EBF3: variants seen among roughly 807,000 people sequenced by gnomAD.
EBF3 encodes the protein transcription factor COE3.
In EBF3, 18 loss-of-function variants were observed where a neutral mutation model predicts 77.1. That is an observed-to-expected ratio of 0.23 (90% CI 0.16 to 0.35). The LOEUF (loss-of-function observed/expected upper bound fraction) is 0.35. Ranked by LOEUF, EBF3 falls within the 10% of genes least tolerant of loss-of-function variation. The probability of loss-of-function intolerance (pLI) is 1.00; values close to 1 mark genes in which losing one functional copy is unlikely to be tolerated. For synonymous variants in EBF3, 350 were observed against 343.5 expected (o/e 1.02, Z -0.21); for missense variants, 558 against 860.0 (o/e 0.65, Z 4.39).
chr10:129,962,630 C>T (rs1859616761), intron 3 of EBF3, among the ~76,000 whole-genome samples: 1 of 151,876 alleles, frequency 6.6e-6, no homozygotes. Flanking sequence ...GTAAGTTATG[C>T]TCCGTTTATG....
chr10:129,957,386 G>GTTT, intron 5 of EBF3, 60 bp from the exon 6 acceptor site: 10 of 1,196,278 alleles, frequency 8.4e-6, no homozygotes, highest in African/African-American at 4.3e-5. Flanking sequence ...TGCCCGACTT[G>GTTT]TATTTTTTTT....
chr10:129,923,832 T>A (rs1856468989), intron 6 of EBF3, among the ~76,000 whole-genome samples: 1 of 152,192 alleles, frequency 6.6e-6, no homozygotes, highest in African/African-American at 2.4e-5. Flanking sequence ...ATCAAAAGAT[T>A]CCATCAACCA....
At chr10:129,939,341 T>C (rs1857570280) in intron 6 of EBF3, among the ~76,000 whole-genome samples, 1 of 152,166 alleles carries the variant, frequency 6.6e-6, no homozygotes, top group South Asian at 2.1e-4. Context: ...GGGTGAAATC[T>C]GAAAACAGCA....
chr10:129,924,212 C>T (rs908356401), intron 6 of EBF3, among the ~76,000 whole-genome samples: 4 of 152,088 alleles, frequency 2.6e-5, no homozygotes, highest in Admixed American at 1.3e-4. Flanking sequence ...GTCAAGAGAT[C>T]GAGAACAGCC....
rs1849589989 is a variant in EBF3 at position 129,836,003 on chromosome 10, C to G, written c.*1940G>C. On this transcript the variant is annotated 3_prime_UTR_variant, in exon 17 of 17. Transcript: ENST00000440978. ...TTGTTAAAAAAAAATTGAAAACCAG[C>G]AGTGATTTGGGTCCCCCTGAAACCT... The G allele has an allele frequency of 6.6e-6, 1 of 152,560 alleles. No individual in the cohort carries two copies. The highest frequency in any genetic ancestry group is 1.5e-5 in the Non-Finnish European group (1 of 68,036). The allele number at this position is 152,560 out of a possible 1,614,324, so 9.5% of individuals were successfully genotyped here. A position where few individuals can be genotyped will look rare whatever the true frequency, so the allele number is the denominator to read the frequency against.
At chr10:129,889,038 G>T (rs930087247) in intron 6 of EBF3, among the ~76,000 whole-genome samples, 19 of 152,182 alleles carry the variant, frequency 1.2e-4, no homozygotes, top group African/African-American at 4.3e-4. Flanking sequence ...TCCAGTCGGG[G>T]TTTGTGCAAC....
chr10:129,960,078 G>C (rs1325975752), intron 4 of EBF3, among the ~76,000 whole-genome samples: 1 of 151,662 alleles, frequency 6.6e-6, no homozygotes, highest in Non-Finnish European at 1.5e-5. Flanking sequence ...GCCCGGGCTG[G>C]GCCTCCACCA....
chr10:129,903,291 T>G (rs905233098), intron 6 of EBF3, among the ~76,000 whole-genome samples: 2 of 152,240 alleles, frequency 1.3e-5, no homozygotes, highest in African/African-American at 4.8e-5. Flanking sequence ...TAATATTATT[T>G]TCTTTATAAG....
chr10:129,938,011 A>G lies in EBF3; in HGVS notation c.554+19247T>C, dbSNP rs997835649. On this transcript the variant is annotated intron_variant, in intron 6 of 16. Transcript: ENST00000440978. The surrounding 1 kb of genome is among the most constrained non-coding windows in gnomAD (Gnocchi z 5.1). ...AAATGCATTAGTCAAAATACTTCGA[A>G]ATGGTACAAGCTATTTTCTGGCATG... 1.3e-5 allele frequency among the ~76,000 whole-genome samples: 2 copies of G among 152,196 alleles called. No individual in the cohort carries two copies. The highest frequency in any genetic ancestry group is 4.8e-5 in the African/African-American group (2 of 41,452).
chr10:129,921,658 G>A (rs929093097), intron 6 of EBF3, among the ~76,000 whole-genome samples: 4 of 152,232 alleles, frequency 2.6e-5, no homozygotes, highest in African/African-American at 9.6e-5. Context: ...AGAGGAGGAT[G>A]TCTGCGTGAA....
rs939445242 is a variant in EBF3, at chr10:129,943,359, T to C, written c.554+13899A>G. On this transcript the variant is annotated intron_variant, in intron 6 of 16. Coordinates refer to ENST00000440978, the MANE Select transcript of EBF3 (RefSeq NM_001375380.1). The surrounding 1 kb of genome is among the most constrained non-coding windows in gnomAD (Gnocchi z 8.8). Reference sequence around the variant, plus strand: ...TATCACAAAAAAAATTAATTCCAGATTGTAGTTATTGTCTTAAGCACAAGA... The same window carrying C: ...TATCACAAAAAAAATTAATTCCAGACTGTAGTTATTGTCTTAAGCACAAGA... Among the ~76,000 whole-genome samples, 3 of 152,228 alleles carry C rather than the reference T, an allele frequency of 2.0e-5. No homozygotes were observed. The highest frequency in any genetic ancestry group is 4.8e-5 in the African/African-American group (2 of 41,450).
At chr10:129,926,311 C>G (rs1444663328) in intron 6 of EBF3, among the ~76,000 whole-genome samples, 1 of 152,194 alleles carries the variant, frequency 6.6e-6, no homozygotes, top group Admixed American at 6.5e-5. Flanking sequence ...GGGAGTCCCC[C>G]TTCCTGAGAC....
At chr10:129,869,902 C>T (rs1852293533) in intron 8 of EBF3, among the ~76,000 whole-genome samples, 1 of 151,990 alleles carries the variant, frequency 6.6e-6, no homozygotes, top group Admixed American at 6.5e-5. Context: ...GCATGGAGAG[C>T]ATTTGAAAAG....
intron 10 of EBF3, among the ~76,000 whole-genome samples, chr10:129,858,864 A>T (rs1342201567): frequency 6.6e-6 from 1 of 152,158 alleles, no homozygotes; most frequent in African/African-American, 2.4e-5. Context: ...GGCATCCAGA[A>T]AGGAAAGGAA....
chr10:129,842,263 C>G lies in EBF3; in HGVS notation c.1225G>C (p.Ala409Pro), dbSNP rs1345736738. The stretch of plus-strand genomic sequence containing the variant: ...CGGGGAACGCTGTACAGCGCCTCGG[C>G]GATGTCCGCCGCTCGCTTCAAGATG... ...EIILKRAADI[A>P]EALYSVPRNH... Residue 409 changes from alanine to proline, a missense_variant, in exon 13 of 17, where the codon GCC becomes CCC. By Grantham distance (27) the Ala-to-Pro change is conservative. Transcript: ENST00000440978. The surrounding 1 kb of genome is among the most constrained non-coding windows in gnomAD (Gnocchi z 4.4). 2 of 1,607,534 alleles carry G rather than the reference C, an allele frequency of 1.2e-6. No homozygotes were observed. Among genetic ancestry groups the G allele is most frequent in the Non-Finnish European group, 8.5e-7 (1 of 1,176,552 alleles).
In EBF3 at chr10:129,897,056, C is replaced by A. The variant is rs1375520753; in HGVS notation, c.555-19207G>T. 6.6e-6 allele frequency among the ~76,000 whole-genome samples: 1 copy of A among 152,228 alleles called. No homozygotes were observed. Among genetic ancestry groups the A allele is most frequent in the Non-Finnish European group, 1.5e-5 (1 of 68,044 alleles). On this transcript the variant is annotated intron_variant, in intron 6 of 16. Coordinates refer to ENST00000440978, the MANE Select transcript of EBF3 (RefSeq NM_001375380.1). The surrounding 1 kb of genome is among the most constrained non-coding windows in gnomAD (Gnocchi z 4.6). ...CCGCCAGCCTGATTGCCAGCCATGGCCATCTCACTGCAGGCAACCTGAGCA... is the reference window on the plus strand; with the variant it reads ...CCGCCAGCCTGATTGCCAGCCATGGACATCTCACTGCAGGCAACCTGAGCA...
intron 6 of EBF3, among the ~76,000 whole-genome samples, chr10:129,883,578 G>A (rs1020504900): frequency 3.3e-5 from 5 of 152,188 alleles, no homozygotes; most frequent in Non-Finnish European, 5.9e-5. Flanking sequence ...GAATCATGGA[G>A]GTGACAGCTT....
chr10:129,950,172 G>C (rs1858565391), intron 6 of EBF3, among the ~76,000 whole-genome samples: 1 of 152,154 alleles, frequency 6.6e-6, no homozygotes, highest in Non-Finnish European at 1.5e-5. Context: ...CGCGGGGCCT[G>C]GGCTCCATGT....
At position 129,938,259 on chromosome 10, in the gene EBF3, G is replaced by C. The variant is rs923790473; in HGVS notation, c.554+18999C>G. On this transcript the variant is annotated intron_variant, in intron 6 of 16. Transcript: ENST00000440978. The surrounding 1 kb of genome is among the most constrained non-coding windows in gnomAD (Gnocchi z 5.1). ...GGGTTTTTTTAAAGTTCATGGCGGG[G>C]CCGGGTGCAATGGCTCTCATCTATA... Among the ~76,000 whole-genome samples the C allele has an allele frequency of 6.6e-6, 1 of 152,092 alleles. No individual in the cohort carries two copies. The highest frequency in any genetic ancestry group is 2.1e-4 in the South Asian group (1 of 4,800).
Sources: gnomAD v4.1 joint callset for allele counts (sites outside exome capture counted in the v4.1 genomes callset) on GRCh38, gnomAD v4.1.1 for gene constraint, Gnocchi (gnomAD v3.1) non-coding constraint, MANE v1.5 for transcripts, NCBI Gene and HGNC (gene_info 2026-07-23, HGNC 2026-07-21) for gene names.